Variants in ZNF423 observed in about 807,000 individuals in gnomAD.
ZNF423 encodes zinc finger protein 423.
In ZNF423, 12 loss-of-function variants were observed where a neutral mutation model predicts 95.8. That is an observed-to-expected ratio of 0.13 (90% confidence interval 0.08 to 0.20). The LOEUF (loss-of-function observed/expected upper bound fraction) is 0.20, where lower values mean the gene tolerates loss of function less well. ZNF423 is among the 10% of genes least tolerant of loss of function. ZNF423 has a pLI of 1.00. For missense variants in ZNF423, 1,316 were observed against 1,737.1 expected (o/e 0.76, Z 4.31); for synonymous variants, 749 against 711.9 (o/e 1.05, Z -0.83).
intron 1 of ZNF423, among the ~76,000 whole-genome samples, chr16:49,821,701 C>T (rs552232337): frequency 6.6e-6 from 1 of 152,304 alleles, no homozygotes; most frequent in South Asian, 2.1e-4. Flanking sequence ...TGGCAGCCCC[C>T]TCCTCTGCCC....
chr16:49,834,326 G>C (rs201825985), intron 1 of ZNF423, among the ~76,000 whole-genome samples: 16 of 127,006 alleles, frequency 1.3e-4, no homozygotes, highest in African/African-American at 4.9e-4. Flanking sequence ...CCTAAACGTA[G>C]TCAGCAGTCC....
intron 5 of ZNF423, among the ~76,000 whole-genome samples, chr16:49,583,432 TAAG>T: frequency 6.6e-6 from 1 of 152,336 alleles, no homozygotes; most frequent in East Asian, 1.9e-4. Flanking sequence ...TCCCATTCTA[TAAG>T]AAATGTCTAT....
At chr16:49,619,795 C>T (rs191286087) in intron 5 of ZNF423, among the ~76,000 whole-genome samples, 9 of 152,290 alleles carry the variant, frequency 5.9e-5, no homozygotes, top group Non-Finnish European at 8.8e-5. Flanking sequence ...TTCAGCAACA[C>T]GTGATCCTGG....
intron 1 of ZNF423, among the ~76,000 whole-genome samples, chr16:49,805,348 C>T (rs1012302266): frequency 2.0e-5 from 3 of 152,224 alleles, no homozygotes; most frequent in African/African-American, 4.8e-5. Flanking sequence ...CACGTTACCA[C>T]GTTCATGCTG....
chr16:49,783,093 G>A (rs533635084), intron 2 of ZNF423, among the ~76,000 whole-genome samples: 67 of 152,098 alleles, frequency 4.4e-4, no homozygotes, highest in African/African-American at 1.1e-3. Context: ...TCAGGATCAC[G>A]CATGATGTTT....
At chr16:49,607,819 C>T (rs1971587028) in intron 5 of ZNF423, among the ~76,000 whole-genome samples, 1 of 152,218 alleles carries the variant, frequency 6.6e-6, no homozygotes, top group African/African-American at 2.4e-5. Flanking sequence ...CAACAGCTTC[C>T]TAAGGCCCCA....
At chr16:49,595,023 C>T (rs1971138000) in intron 5 of ZNF423, among the ~76,000 whole-genome samples, 2 of 152,204 alleles carry the variant, frequency 1.3e-5, no homozygotes, top group Admixed American at 1.3e-4. Flanking sequence ...TGTTTTGGTC[C>T]TTAAATTCCT....
At chr16:49,558,668 T>C (rs1320059774) in intron 5 of ZNF423, among the ~76,000 whole-genome samples, 1 of 152,132 alleles carries the variant, frequency 6.6e-6, no homozygotes, top group Non-Finnish European at 1.5e-5. Flanking sequence ...ACGCACACAC[T>C]TGTACATGCA....
intron 1 of ZNF423, among the ~76,000 whole-genome samples, chr16:49,794,169 G>A (rs555840800): frequency 1.1e-4 from 17 of 151,936 alleles, no homozygotes; most frequent in African/African-American, 3.9e-4. Context: ...CCGAGCAGCT[G>A]GAGCCACAGG....
At chr16:49,737,009 C>T in intron 2 of ZNF423, among the ~76,000 whole-genome samples, 1 of 152,094 alleles carries the variant, frequency 6.6e-6, no homozygotes, top group Non-Finnish European at 1.5e-5. Flanking sequence ...GTGGCACAGC[C>T]TCCCCTACAC....
At position 49,638,444 on chromosome 16, in the gene ZNF423, C is replaced by T. The variant is rs977567436; in HGVS notation, c.732G>A (p.Ser244=). The change falls in exon 4 of 8, where the codon TCG becomes TCA. Residue 244 remains serine (S), a synonymous_variant. Transcript: ENST00000563137. This position sits in a 1 kb window ranked among gnomAD's most constrained non-coding sequence, Gnocchi z 5.6. ...VCKRGFSSTS[S]LQSHMQAHKK... ...TGTGGGCCTGCATGTGGCTCTGCAG[C>T]GAGCTGGTGGAGGAGAAGCCGCGCT... 7.4e-6 allele frequency: 12 copies of T among 1,613,770 alleles called. No homozygotes were observed. The Admixed American group carries it at 8.3e-5, about 11-fold the overall frequency.
chr16:49,787,163 G>A (rs549891702), intron 2 of ZNF423, among the ~76,000 whole-genome samples: 212 of 152,206 alleles, frequency 1.4e-3, no homozygotes, highest in Non-Finnish European at 2.5e-3. Flanking sequence ...ACTGACTTCC[G>A]CCTGCCACCC....
intron 3 of ZNF423, chr16:49,711,699 G>C (rs562279644): frequency 3.3e-5 from 5 of 152,316 alleles, no homozygotes; most frequent in Admixed American, 2.6e-4. Context: ...ATGAAATACA[G>C]TATTACGTAA....
intron 1 of ZNF423, among the ~76,000 whole-genome samples, chr16:49,808,409 C>G (rs960352089): frequency 2.6e-5 from 4 of 152,076 alleles, no homozygotes; most frequent in Non-Finnish European, 4.4e-5. Context: ...TAACATGTTC[C>G]TAACAGATGA....
intron 5 of ZNF423, among the ~76,000 whole-genome samples, chr16:49,608,388 C>T (rs1971610364): frequency 1.3e-5 from 2 of 152,178 alleles, no homozygotes; most frequent in East Asian, 1.9e-4. Flanking sequence ...GTCCTACAAG[C>T]TAGCACAGAA....
intron 7 of ZNF423, chr16:49,518,585 C>CA (rs559016569): frequency 0.028 from 10,460 of 369,954 alleles, 1 homozygote; most frequent in South Asian, 0.038. Flanking sequence ...TGTTCCATTG[C>CA]AAAAAAAAAA....
intron 5 of ZNF423, among the ~76,000 whole-genome samples, chr16:49,573,977 C>A (rs1285780118): frequency 6.6e-6 from 1 of 152,200 alleles, no homozygotes; most frequent in Admixed American, 6.5e-5. Context: ...CACAGCAAGC[C>A]GTACCAATCT....
At chr16:49,686,525 G>A (rs55857661) in intron 3 of ZNF423, among the ~76,000 whole-genome samples, 7,838 of 151,962 alleles carry the variant, frequency 0.052, 292 homozygotes, top group Non-Finnish European at 0.074. Context: ...ACAGGCCTGC[G>A]TACGCCCCAC....
intron 1 of ZNF423, among the ~76,000 whole-genome samples, chr16:49,828,077 C>T (rs576500551): frequency 1.4e-4 from 21 of 152,314 alleles, no homozygotes; most frequent in Middle Eastern, 3.4e-3. Flanking sequence ...TTCACAGTGG[C>T]CTCCTGCCCA....
Sources: gnomAD v4.1 joint callset for allele counts (sites outside exome capture counted in the v4.1 genomes callset) on GRCh38, gnomAD v4.1.1 for gene constraint, Gnocchi (gnomAD v3.1) non-coding constraint, MANE v1.5 for transcripts, NCBI Gene and HGNC (gene_info 2026-07-23, HGNC 2026-07-21) for gene names.